CCDC171: variants seen among roughly 807,000 people sequenced by gnomAD.
CCDC171 encodes the protein coiled-coil domain containing 171.
In CCDC171, 177 loss-of-function variants were observed where a neutral mutation model predicts 168.2. The observed-to-expected ratio is 1.05, with a 90% CI of 0.93 to 1.19. CCDC171 has a LOEUF of 1.19. Among genes scored for constraint, CCDC171 ranks in the 50% most tolerant of loss-of-function variants. The pLI, the probability that CCDC171 is intolerant of heterozygous loss-of-function variation, is 0.00. For synonymous variants in CCDC171, 687 were observed against 540.8 expected, an observed-to-expected ratio of 1.27 and a Z score of -3.75; for missense variants, 1,991 against 1,539.0, an observed-to-expected ratio of 1.29 and a Z score of -4.91.
At chr9:16,015,574 C>T (rs531476780) in intron 3 of CCDC171, among the ~76,000 whole-genome samples, 1 of 152,294 alleles carries the variant, frequency 6.6e-6, no homozygotes, top group Admixed American at 6.5e-5. Context: ...AAGTGCCCTT[C>T]CTCCTCACTG....
At chr9:15,758,301 G>C (rs1303154859) in intron 18 of CCDC171, among the ~76,000 whole-genome samples, 1 of 152,208 alleles carries the variant, frequency 6.6e-6, no homozygotes, top group East Asian at 1.9e-4. Flanking sequence ...AGTCAAAGGA[G>C]ATCATTTTGG....
intron 4 of CCDC171, among the ~76,000 whole-genome samples, chr9:15,590,906 G>A (rs866657614): frequency 1.4e-5 from 2 of 145,910 alleles, no homozygotes; most frequent in African/African-American, 2.6e-5. Flanking sequence ...TCTGAGAGGA[G>A]GTCTCCCTAT....
chr9:15,889,948 T>G (rs1202970501), intron 24 of CCDC171, among the ~76,000 whole-genome samples: 1 of 152,200 alleles, frequency 6.6e-6, no homozygotes, highest in African/African-American at 2.4e-5. Flanking sequence ...GAAATGGCTT[T>G]GTTTCAAAGT....
At chr9:15,730,282 TAGTTGTAGG>T (rs915075174) in intron 16 of CCDC171, among the ~76,000 whole-genome samples, 4 of 151,958 alleles carry the variant, frequency 2.6e-5, no homozygotes, top group African/African-American at 9.6e-5. Context: ...TATAAGGTTA[TAGTTGTAGG>T]CCATGTAGCA....
the CCDC171 span, among the ~76,000 whole-genome samples, chr9:16,096,170 A>G: frequency 6.6e-6 from 1 of 152,178 alleles, no homozygotes; most frequent in African/African-American, 2.4e-5. Flanking sequence ...AGAATGAATT[A>G]TTAAATGAGA....
chr9:15,723,631 A>T (rs749016603), intron 12 of CCDC171, 50 bp from the exon 13 acceptor site: 1 of 1,390,100 alleles, frequency 7.2e-7, no homozygotes, highest in Non-Finnish European at 1.0e-6. Context: ...AAATGTAAAA[A>T]AGTTACTTAT....
intron 24 of CCDC171, among the ~76,000 whole-genome samples, chr9:15,891,041 A>G (rs191860247): frequency 6.6e-6 from 1 of 152,180 alleles, no homozygotes; most frequent in South Asian, 2.1e-4. Flanking sequence ...TGTTCATATT[A>G]TATTTAAGTA....
At chr9:16,069,689 T>G in the CCDC171 span, among the ~76,000 whole-genome samples, 1 of 152,230 alleles carries the variant, frequency 6.6e-6, no homozygotes, top group African/African-American at 2.4e-5. Context: ...GCCTTGATTT[T>G]CACAGTGAGA....
intron 20 of CCDC171, among the ~76,000 whole-genome samples, chr9:15,779,753 T>C (rs1025488277): frequency 3.9e-5 from 6 of 152,344 alleles, no homozygotes; most frequent in African/African-American, 1.4e-4. Context: ...TTATCTAACG[T>C]CCATCAATGA....
intron 21 of CCDC171, among the ~76,000 whole-genome samples, chr9:15,826,202 T>G (rs189620211): frequency 1.3e-5 from 2 of 152,106 alleles, no homozygotes; most frequent in African/African-American, 4.8e-5. Context: ...TTTCTGTGTT[T>G]TCTTATAGTT....
At chr9:15,968,650 G>T (rs556927791) in intron 25 of CCDC171, among the ~76,000 whole-genome samples, 2 of 149,242 alleles carry the variant, frequency 1.3e-5, no homozygotes, top group African/African-American at 4.9e-5. Flanking sequence ...GGATTCAAGC[G>T]ATTCCCCTGC....
chr9:16,068,531 C>A, the CCDC171 span, among the ~76,000 whole-genome samples: 1 of 152,156 alleles, frequency 6.6e-6, no homozygotes, highest in African/African-American at 2.4e-5. Flanking sequence ...ACCCTTGAAC[C>A]ATTCTCAGTT....
intron 3 of CCDC171, among the ~76,000 whole-genome samples, chr9:15,572,305 G>A (rs2040292729): frequency 6.6e-6 from 1 of 151,922 alleles, no homozygotes; most frequent in Non-Finnish European, 1.5e-5. Flanking sequence ...TCTTCTCTCT[G>A]CTGTGTTTTT....
At chr9:15,558,649 T>G (rs944915670) in intron 1 of CCDC171, among the ~76,000 whole-genome samples, 1 of 152,174 alleles carries the variant, frequency 6.6e-6, no homozygotes, top group Non-Finnish European at 1.5e-5. Flanking sequence ...TTGCTAGTGG[T>G]CTAGCAATTT....
intron 24 of CCDC171, among the ~76,000 whole-genome samples, chr9:15,908,356 G>T (rs1236608857): frequency 6.6e-6 from 1 of 152,160 alleles, no homozygotes; most frequent in Non-Finnish European, 1.5e-5. Context: ...TCCTTTGTAG[G>T]GACATGGATG....
intron 24 of CCDC171, among the ~76,000 whole-genome samples, chr9:15,908,828 G>A (rs1823159466): frequency 6.6e-6 from 1 of 152,092 alleles, no homozygotes; most frequent in Admixed American, 6.6e-5. Flanking sequence ...TTGGGGAGAG[G>A]GAGGTGCCAC....
At chr9:15,892,939 A>T (rs1343003674) in intron 24 of CCDC171, among the ~76,000 whole-genome samples, 1 of 152,192 alleles carries the variant, frequency 6.6e-6, no homozygotes, top group Non-Finnish European at 1.5e-5. Context: ...AAACTATTTT[A>T]AAATTAATAT....
intron 21 of CCDC171, among the ~76,000 whole-genome samples, chr9:15,805,306 G>C (rs2059020935): frequency 6.6e-6 from 1 of 151,940 alleles, no homozygotes; most frequent in Non-Finnish European, 1.5e-5. Context: ...GTTTACTCTT[G>C]GTTCTCAAGT....
chr9:15,721,929 C>T (rs568896670), intron 12 of CCDC171, 54 bp downstream of exon 12: 5 of 835,784 alleles, frequency 6.0e-6, no homozygotes, highest in Non-Finnish European at 8.7e-6. Context: ...TGTACCAGTA[C>T]GTATTCCTTG....
Sources: gnomAD v4.1 joint callset for allele counts (sites outside exome capture counted in the v4.1 genomes callset) on GRCh38, gnomAD v4.1.1 for gene constraint, MANE v1.5 for transcripts, NCBI Gene and HGNC (gene_info 2026-07-23, HGNC 2026-07-21) for gene names.